NLGN1: variants seen among roughly 807,000 people sequenced by gnomAD.
NLGN1 encodes the protein neuroligin-1.
NLGN1 carries 12 observed loss-of-function variants against 65.5 expected under a neutral mutation model. The ratio of observed to expected loss-of-function variants is 0.18; its 90% CI spans 0.12 to 0.30. The LOEUF (loss-of-function observed/expected upper bound fraction) is 0.30. Ranked by LOEUF, NLGN1 falls within the 10% of genes least tolerant of loss-of-function variation. The pLI, the probability that NLGN1 is intolerant of heterozygous loss-of-function variation, is 1.00. For missense variants in NLGN1, 750 were observed against 1,007.1 expected, an observed-to-expected ratio of 0.74 and a Z score of 3.46; for synonymous variants, 350 against 359.5, an observed-to-expected ratio of 0.97 and a Z score of 0.30.
intron 2 of NLGN1, among the ~76,000 whole-genome samples, chr3:173,592,843 G>C (rs1980298): frequency 0.45 from 69,107 of 151,926 alleles, 17,580 homozygotes; most frequent in African/African-American, 0.7. Flanking sequence ...TCTCATCATA[G>C]TTTGGATAAG....
At chr3:174,134,822 A>G (rs142119466) in intron 4 of NLGN1, among the ~76,000 whole-genome samples, 4 of 152,184 alleles carry the variant, frequency 2.6e-5, no homozygotes, top group Non-Finnish European at 4.4e-5. Context: ...GTGGGTGCCC[A>G]GGTAAAAGCA....
rs1276837152 is a variant in NLGN1, at chr3:173,413,551, C to G, written c.-390+15064C>G. On this transcript the variant is annotated intron_variant, in intron 1 of 6. Coordinates refer to ENST00000457714, the Ensembl canonical transcript of NLGN1. Reference sequence around the variant, plus strand: ...GGAGGCAGAGGTTGCAGTGAGCTGACATCATGCCACTGTACTCCAGCCTGG... The same window carrying G: ...GGAGGCAGAGGTTGCAGTGAGCTGAGATCATGCCACTGTACTCCAGCCTGG... Among the ~76,000 whole-genome samples, 3 of 152,192 alleles carry G rather than the reference C, an allele frequency of 2.0e-5. No individual in the cohort carries two copies. The East Asian group carries it at 5.8e-4, about 29-fold the overall frequency.
intron 4 of NLGN1, among the ~76,000 whole-genome samples, chr3:174,126,658 T>C (rs1718999473): frequency 6.6e-6 from 1 of 152,064 alleles, no homozygotes; most frequent in African/African-American, 2.4e-5. Flanking sequence ...GAGAAGAGAA[T>C]ATAAAATAAG....
chr3:173,917,668 T>C (rs1034922008), intron 4 of NLGN1, among the ~76,000 whole-genome samples: 13 of 152,194 alleles, frequency 8.5e-5, no homozygotes, highest in African/African-American at 2.7e-4. Context: ...AATTACTCCC[T>C]AGTCAGGAAG....
intron 4 of NLGN1, among the ~76,000 whole-genome samples, chr3:174,254,689 T>A (rs1745359252): frequency 6.6e-6 from 1 of 152,088 alleles, no homozygotes; most frequent in South Asian, 2.1e-4. Flanking sequence ...TGTCTACCAA[T>A]ACAAAAAAAA....
intron 3 of NLGN1, among the ~76,000 whole-genome samples, chr3:173,701,222 T>C (rs1303470157): frequency 1.2e-4 from 18 of 152,148 alleles, no homozygotes; most frequent in Admixed American, 8.5e-4. Context: ...TCCAAAAATA[T>C]CCATATTCTG....
At chr3:174,066,516 G>GT (rs1553925327) in intron 4 of NLGN1, among the ~76,000 whole-genome samples, 1 of 67,012 alleles carries the variant, frequency 1.5e-5, no homozygotes, top group Non-Finnish European at 2.8e-5. Context: ...TATGGAACAA[G>GT]TCTCTCTCTC....
intron 4 of NLGN1, among the ~76,000 whole-genome samples, chr3:174,207,035 AC>A (rs1462097134): frequency 1.3e-5 from 2 of 152,028 alleles, no homozygotes; most frequent in Admixed American, 6.6e-5. Flanking sequence ...GAGTAAAACA[AC>A]CCCGCCCAGC....
At chr3:174,243,276 C>G (rs1344186087) in intron 4 of NLGN1, among the ~76,000 whole-genome samples, 1 of 152,202 alleles carries the variant, frequency 6.6e-6, no homozygotes, top group Admixed American at 6.5e-5. Context: ...TTCCTCCTTT[C>G]AAACATGTCT....
intron 4 of NLGN1, among the ~76,000 whole-genome samples, chr3:173,822,879 T>A (rs1036525190): frequency 6.6e-5 from 10 of 152,088 alleles, no homozygotes. Context: ...TGCTATATTG[T>A]CCCTTTTTTT....
chr3:174,143,523 G>T (rs1489677638), intron 4 of NLGN1, among the ~76,000 whole-genome samples: 1 of 152,146 alleles, frequency 6.6e-6, no homozygotes, highest in African/African-American at 2.4e-5. Flanking sequence ...AGCCTGAGCA[G>T]CAGTTTTTGT....
chr3:174,274,212 T>G lies in NLGN1; in HGVS notation c.647-1103T>G, dbSNP rs185137420. On this transcript the variant is annotated intron_variant, in intron 4 of 6. Transcript: ENST00000457714. ...ATAAAATAGTCCATAAGATGGAGTA[T>G]TTTATGAAACACTTTCTAAATTTTC... Among the ~76,000 whole-genome samples the G allele has an allele frequency of 8.1e-4, 123 of 151,922 alleles. 1 individual carries two copies. The highest frequency in any genetic ancestry group is 2.9e-3 in the African/African-American group (120 of 41,504).
In NLGN1 at chr3:173,604,677, G is replaced by A. The variant is rs1459307232; in HGVS notation, c.79G>A (p.Ala27Thr). The A allele has an allele frequency of 2.1e-5, 34 of 1,613,588 alleles. No homozygotes were observed. The highest frequency in any genetic ancestry group is 2.7e-5 in the Non-Finnish European group (32 of 1,179,772). Residue 27 changes from alanine (A) to threonine (T), a missense_variant, in exon 3 of 7, where the codon GCC becomes ACC. Physicochemically the swap from Ala to Thr is moderately conservative, Grantham distance 58. Coordinates refer to ENST00000457714, the Ensembl canonical transcript of NLGN1. ...ATGCTTGGTACACCGGGGATTGGGT[G>A]CCCCATTGACTCTCTGTATGTTGGG...
chr3:173,627,297 C>T (rs1754972648), intron 3 of NLGN1, among the ~76,000 whole-genome samples: 1 of 152,100 alleles, frequency 6.6e-6, no homozygotes, highest in Admixed American at 6.6e-5. Context: ...AATGAGGTCA[C>T]ACAGTATTTG....
intron 4 of NLGN1, among the ~76,000 whole-genome samples, chr3:174,209,853 G>A (rs904914949): frequency 6.6e-6 from 1 of 151,506 alleles, no homozygotes. Context: ...GGCTGGTCTC[G>A]AACTCCTAGC....
intron 4 of NLGN1, among the ~76,000 whole-genome samples, chr3:173,835,386 AC>A (rs1001878184): frequency 1.3e-5 from 2 of 152,028 alleles, no homozygotes; most frequent in Non-Finnish European, 2.9e-5. Flanking sequence ...AGAGGGTAAA[AC>A]CTTGCATTTT....
chr3:174,257,454 C>G (rs201830772), intron 4 of NLGN1, among the ~76,000 whole-genome samples: 2 of 152,128 alleles, frequency 1.3e-5, no homozygotes, highest in East Asian at 3.9e-4. Flanking sequence ...GGTACATGCA[C>G]ACATATGTTC....
intron 2 of NLGN1, among the ~76,000 whole-genome samples, chr3:173,551,324 G>A (rs1312310654): frequency 6.6e-6 from 1 of 152,194 alleles, no homozygotes; most frequent in Non-Finnish European, 1.5e-5. Flanking sequence ...CGATGTGTAA[G>A]CTACAGGCAG....
At chr3:174,210,789 A>G (rs932838218) in intron 4 of NLGN1, among the ~76,000 whole-genome samples, 6 of 152,206 alleles carry the variant, frequency 3.9e-5, no homozygotes, top group African/African-American at 1.4e-4. Context: ...CAACAGGACA[A>G]ATCTTCTATA....
Sources: allele counts gnomAD v4.1 joint callset (sites outside exome capture counted in the v4.1 genomes callset), GRCh38; gene constraint gnomAD v4.1.1; transcripts MANE v1.5; gene names NCBI Gene and HGNC (gene_info 2026-07-23, HGNC 2026-07-21).